The following WWOX variants were observed in gnomAD, a reference collection of about 807,000 sequenced individuals.
The protein encoded by WWOX is WW domain-containing oxidoreductase.
A neutral mutation model predicts 46.2 loss-of-function variants in WWOX; 69 were observed. That is an observed-to-expected ratio of 1.49 (90% CI 1.23 to 1.82). The LOEUF is 1.82. Among genes scored for constraint, WWOX ranks in the 40% most tolerant of loss-of-function variants. The pLI is 0.00. For missense variants in WWOX, 919 were observed against 542.6 expected, an observed-to-expected ratio of 1.69 and a Z score of -6.89; for synonymous variants, 359 against 202.6, an observed-to-expected ratio of 1.77 and a Z score of -6.56.
chr16:78,596,441 C>T (rs946053054), intron 8 of WWOX, among the ~76,000 whole-genome samples: 17 of 151,992 alleles, frequency 1.1e-4, no homozygotes, highest in African/African-American at 4.1e-4. Flanking sequence ...GCTGTGGCAA[C>T]CCACAGCAGG....
chr16:78,886,575 G>T (rs1160292871), intron 8 of WWOX, among the ~76,000 whole-genome samples: 9 of 149,196 alleles, frequency 6.0e-5, no homozygotes, highest in African/African-American at 2.2e-4. Context: ...AAGACACTTG[G>T]TACACATTGA....
rs1169836577 is a variant in WWOX, at chr16:78,336,350, A to T, written c.517-50510A>T. Among the ~76,000 whole-genome samples the T allele has an allele frequency of 4.7e-5, 7 of 149,080 alleles. No individual in the cohort carries two copies. The South Asian group carries it at 6.5e-4, about 14-fold the overall frequency. ...AACACCAAAAAAAAAAAAAAAAACCACAACAAATTAGCCAGGTGTGGTGAT... is the reference window on the plus strand; with the variant it reads ...AACACCAAAAAAAAAAAAAAAAACCTCAACAAATTAGCCAGGTGTGGTGAT... On this transcript the variant is annotated intron_variant, in intron 5 of 8. Transcript: ENST00000566780.
At chr16:78,967,990 A>G (rs1198986166) in intron 8 of WWOX, among the ~76,000 whole-genome samples, 1 of 152,058 alleles carries the variant, frequency 6.6e-6, no homozygotes, top group African/African-American at 2.4e-5. Context: ...CACTATATTA[A>G]AAGAAGATGT....
At chr16:78,230,173 CCCG>C in intron 5 of WWOX, among the ~76,000 whole-genome samples, 1 of 4,904 alleles carries the variant, frequency 2.0e-4, no homozygotes, top group Non-Finnish European at 3.2e-4. Flanking sequence ...AGCTACCGTG[CCCG>C]TGCCCGGCCT....
At chr16:78,271,811 A>G (rs995560569) in intron 5 of WWOX, among the ~76,000 whole-genome samples, 2 of 152,288 alleles carry the variant, frequency 1.3e-5, no homozygotes, top group African/African-American at 4.8e-5. Flanking sequence ...CTAACAAGGG[A>G]ATATGTGAGG....
In WWOX at chr16:78,730,904, G is replaced by A. The variant is rs530298238; in HGVS notation, c.1056+298152G>A. On this transcript the variant is annotated intron_variant, in intron 8 of 8. Transcript: ENST00000566780. ...CCACAGGAGATGCAGAAACTGAGTA[G>A]TGATTTAAAAATTCAGATCACTTTG... is the stretch of plus-strand genomic sequence containing the variant. 5.6e-4 allele frequency among the ~76,000 whole-genome samples: 85 copies of A among 152,216 alleles called. 1 individual carries two copies. The highest frequency in any genetic ancestry group is 7.2e-4 in the Admixed American group (11 of 15,280).
chr16:78,811,528 T>C (rs1286347658), intron 8 of WWOX, among the ~76,000 whole-genome samples: 1 of 151,846 alleles, frequency 6.6e-6, no homozygotes, highest in African/African-American at 2.4e-5. Flanking sequence ...TTTCTCTCTC[T>C]CTTTCCCCCT....
chr16:79,074,625 T>C (rs2048620237), intron 8 of WWOX, among the ~76,000 whole-genome samples: 1 of 151,800 alleles, frequency 6.6e-6, no homozygotes, highest in Non-Finnish European at 1.5e-5. Context: ...ACTAAGAACC[T>C]AAGAGTCTCC....
intron 5 of WWOX, among the ~76,000 whole-genome samples, chr16:78,297,692 A>G (rs1399753655): frequency 6.6e-6 from 1 of 152,136 alleles, no homozygotes; most frequent in African/African-American, 2.4e-5. Context: ...GTGTAGCATT[A>G]TTTTGTAATC....
chr16:79,062,423 A>G (rs1251886725), intron 8 of WWOX, among the ~76,000 whole-genome samples: 1 of 151,862 alleles, frequency 6.6e-6, no homozygotes, highest in Non-Finnish European at 1.5e-5. Context: ...ACTGTTTGCC[A>G]GGGAACCAAG....
intron 5 of WWOX, among the ~76,000 whole-genome samples, chr16:78,336,344 A>C (rs2080887132): frequency 6.6e-6 from 1 of 150,810 alleles, no homozygotes; most frequent in South Asian, 2.1e-4. Flanking sequence ...AAAAAAAAAA[A>C]AAACCACAAC....
chr16:79,159,194 A>G (rs1567589068), intron 8 of WWOX, among the ~76,000 whole-genome samples: 1 of 152,232 alleles, frequency 6.6e-6, no homozygotes, highest in Non-Finnish European at 1.5e-5. Context: ...TAAAAAGGTC[A>G]CTGTAGTAAT....
chr16:78,761,989 A>C (rs1014292883), intron 8 of WWOX, among the ~76,000 whole-genome samples: 3 of 152,196 alleles, frequency 2.0e-5, no homozygotes, highest in Non-Finnish European at 2.9e-5. Context: ...TGCAGTGAGG[A>C]TGAATCAACA....
At chr16:78,664,222 G>A (rs2047279540) in intron 8 of WWOX, among the ~76,000 whole-genome samples, 1 of 152,172 alleles carries the variant, frequency 6.6e-6, no homozygotes, top group Non-Finnish European at 1.5e-5. Context: ...ACCACACTGA[G>A]CATATTCAAA....
At chr16:79,165,774 G>C (rs2050581782) in intron 8 of WWOX, among the ~76,000 whole-genome samples, 1 of 152,166 alleles carries the variant, frequency 6.6e-6, no homozygotes, top group South Asian at 2.1e-4. Context: ...GCATTACTTT[G>C]TCACAGGCAG....
At chr16:78,579,366 A>G (rs1056734228) in intron 8 of WWOX, among the ~76,000 whole-genome samples, 3 of 152,292 alleles carry the variant, frequency 2.0e-5, no homozygotes, top group African/African-American at 7.2e-5. Flanking sequence ...CCAAAGGCGA[A>G]GAGATGTCTG....
intron 8 of WWOX, among the ~76,000 whole-genome samples, chr16:79,003,587 A>T (rs1166928110): frequency 6.6e-6 from 1 of 152,158 alleles, no homozygotes; most frequent in Non-Finnish European, 1.5e-5. Flanking sequence ...TCCAGTTGGC[A>T]GGAGAGCTGG....
intron 6 of WWOX, among the ~76,000 whole-genome samples, chr16:78,422,832 T>TATACACACAC (rs1445278060): frequency 2.2e-3 from 240 of 110,098 alleles, no homozygotes; most frequent in Non-Finnish European, 3.5e-3. Context: ...CACACATATA[T>TATACACACAC]ATATATACAT....
At chr16:78,887,512 CA>C (rs2044492637) in intron 8 of WWOX, among the ~76,000 whole-genome samples, 2 of 81,328 alleles carry the variant, frequency 2.5e-5, no homozygotes, top group Admixed American at 1.4e-4. Flanking sequence ...CACACACACA[CA>C]CACACAAGAA....
Sources: allele counts gnomAD v4.1 joint callset (sites outside exome capture counted in the v4.1 genomes callset), GRCh38; gene constraint gnomAD v4.1.1; transcripts MANE v1.5; gene names NCBI Gene and HGNC (gene_info 2026-07-23, HGNC 2026-07-21).